The following CFHR5 variants were observed in gnomAD, a reference collection of about 807,000 sequenced individuals.
CFHR5 encodes the protein complement factor H related 5.
CFHR5 carries 73 observed loss-of-function variants against 62.9 expected under a neutral mutation model. The observed-to-expected ratio is 1.16, with a 90% confidence interval of 0.96 to 1.41. The LOEUF (loss-of-function observed/expected upper bound fraction) is 1.41. Ranked by LOEUF, CFHR5 falls within the 40% of genes most tolerant of loss-of-function variation. The pLI is 0.00. For missense variants in CFHR5, 779 were observed against 679.9 expected, an observed-to-expected ratio of 1.15 and a Z score of -1.62; for synonymous variants, 249 against 227.2, an observed-to-expected ratio of 1.10 and a Z score of -0.86.
chr1:196,998,386 T>A, intron 7 of CFHR5, 82 bp downstream of exon 7: 1 of 1,127,228 alleles, frequency 8.9e-7, no homozygotes, highest in Non-Finnish European at 1.3e-6. Flanking sequence ...GTTTTTAAAT[T>A]AAATATTTAT....
At chr1:196,996,529 T>C (rs1160447616) in intron 6 of CFHR5, among the ~76,000 whole-genome samples, 1 of 152,206 alleles carries the variant, frequency 6.6e-6, no homozygotes, top group Admixed American at 6.5e-5. Context: ...TTATTTTTGT[T>C]TCCAGTAACC....
rs141321678 is a variant in CFHR5, at chr1:197,008,514, T to G, written c.1541T>G (p.Met514Arg). Reference protein sequence around the residue: ...LDPCVVSEENMNKNNIQLKWR... With the variant: ...LDPCVVSEENRNKNNIQLKWR... ...CCATGTGTGGTATCTGAAGAAAACA[T>G]GAACAAAAATAACATACAGTTAAAA... Residue 514 changes from methionine to arginine, a missense_variant, in exon 10 of 10, where the codon ATG (methionine) becomes AGG (arginine). Coordinates refer to ENST00000256785, the MANE Select transcript of CFHR5 (RefSeq NM_030787.4). 1.0e-3 allele frequency: 1,620 copies of G among 1,609,772 alleles called. 2 individuals are homozygous for G. The highest frequency in any genetic ancestry group is 2.0e-3 in the South Asian group (177 of 90,096).
intron 7 of CFHR5, 46 bp downstream of exon 7, chr1:196,998,350 A>G: frequency 7.0e-7 from 1 of 1,437,002 alleles, no homozygotes; most frequent in African/African-American, 1.4e-5. Flanking sequence ...GCTTCTTTAC[A>G]AGAAAAATTA....
At chr1:196,977,284 C>G (rs542465511), upstream of CFHR5, among the ~76,000 whole-genome samples, 56 of 139,076 alleles carry the variant, frequency 4.0e-4, no homozygotes, top group African/African-American at 1.4e-3. Context: ...CAGCTGAACC[C>G]TTGGCTAGAA....
chr1:196,985,933 A>G (rs573894907), intron 3 of CFHR5, among the ~76,000 whole-genome samples: 18 of 152,316 alleles, frequency 1.2e-4, no homozygotes, highest in Non-Finnish European at 2.4e-4. Flanking sequence ...AATTTAGCAC[A>G]TTTTATTTAA....
At chr1:196,995,946 A>G in intron 5 of CFHR5, 47 bp downstream of exon 5, 1 of 1,592,154 alleles carries the variant, frequency 6.3e-7, no homozygotes, top group South Asian at 1.1e-5. Flanking sequence ...ATTACTTTGC[A>G]CTTATATATA....
intron 8 of CFHR5, among the ~76,000 whole-genome samples, chr1:197,002,876 C>T (rs1388721016): frequency 6.6e-6 from 1 of 152,168 alleles, no homozygotes; most frequent in Non-Finnish European, 1.5e-5. Flanking sequence ...GAAATTTCTA[C>T]ATCTTCTTAA....
intron 2 of CFHR5, among the ~76,000 whole-genome samples, 197 bp downstream of exon 2, chr1:196,983,276 C>T (rs7555407): frequency 0.013 from 2,045 of 152,202 alleles, 37 homozygotes; most frequent in African/African-American, 0.045. Flanking sequence ...TCTTGCATTA[C>T]CTGGAAATGC....
intron 6 of CFHR5, among the ~76,000 whole-genome samples, chr1:196,996,642 T>C (rs1653997573): frequency 6.6e-6 from 1 of 152,156 alleles, no homozygotes; most frequent in Non-Finnish European, 1.5e-5. Flanking sequence ...ACTTAGTCTT[T>C]ACCTCAGCAT....
Position 196,994,033 on chromosome 1 carries a change from G to A in CFHR5, c.431-47G>A, listed in dbSNP as rs750091338. On this transcript the variant is annotated intron_variant, in intron 3 of 9. Coordinates refer to ENST00000256785, the MANE Select transcript of CFHR5 (RefSeq NM_030787.4). ...TTTTTATATAGCACACATTAAATTT[G>A]TTTCTGCAATGAAAATTCACATATG... is the stretch of plus-strand genomic sequence containing the variant. 6.9e-6 allele frequency: 10 copies of A among 1,439,544 alleles called. No homozygotes were observed. The African/African-American group carries it at 1.3e-4, about 18-fold the overall frequency. 89.2% of individuals were successfully genotyped at this position (1,439,544 alleles called of 1,614,324 possible).
intron 3 of CFHR5, among the ~76,000 whole-genome samples, chr1:196,991,710 A>G (rs1193174756): frequency 2.0e-5 from 3 of 152,036 alleles, no homozygotes; most frequent in African/African-American, 7.2e-5. Context: ...GCAGAACAGC[A>G]AATATTGCAG....
At chr1:196,997,090 T>C (rs947105930) in intron 6 of CFHR5, among the ~76,000 whole-genome samples, 3 of 152,070 alleles carry the variant, frequency 2.0e-5, no homozygotes, top group Non-Finnish European at 4.4e-5. Flanking sequence ...CCGCCGCTGT[T>C]CTCCTCCTTA....
At chr1:196,995,042 G>A (rs148134196) in intron 4 of CFHR5, among the ~76,000 whole-genome samples, 2,050 of 152,166 alleles carry the variant, frequency 0.013, 43 homozygotes, top group African/African-American at 0.045. Context: ...GATGAGATTT[G>A]GGTGAGGACA....
intron 4 of CFHR5, among the ~76,000 whole-genome samples, chr1:196,995,411 A>G (rs1051752109): frequency 3.3e-5 from 5 of 152,144 alleles, no homozygotes; most frequent in African/African-American, 1.2e-4. Context: ...TTTACTTTCA[A>G]TTACTTCACA....
intron 3 of CFHR5, among the ~76,000 whole-genome samples, chr1:196,990,021 C>A (rs1482168614): frequency 6.6e-6 from 1 of 152,108 alleles, no homozygotes; most frequent in Admixed American, 6.5e-5. Flanking sequence ...CTTCGTAGGT[C>A]TCTAAGGACT....
rs1372346995 is a variant in CFHR5, at chr1:196,982,882, C to T, written c.59-3C>T. 6.2e-7 allele frequency: 1 copy of T among 1,612,680 alleles called. No individual in the cohort carries two copies. Among genetic ancestry groups the T allele is most frequent in the Non-Finnish European group, 8.5e-7 (1 of 1,179,028 alleles). ...TTCTTCAGTTTTGTGTTATTTTTCC[C>T]AGGAACACTTTGTGATTTTCCAAAA... On this transcript the variant is annotated splice_polypyrimidine_tract_variant and splice_region_variant and intron_variant, in intron 1 of 9. Transcript: ENST00000256785.
At chr1:196,995,991 A>G (rs758577067) in intron 5 of CFHR5, 31 bp from the exon 6 acceptor site, 2 of 1,608,200 alleles carry the variant, frequency 1.2e-6, no homozygotes, top group Non-Finnish European at 8.5e-7. Context: ...ATATTTTCAG[A>G]GTAAGCACTC....
intron 8 of CFHR5, among the ~76,000 whole-genome samples, chr1:197,003,648 GAGA>G (rs1199871992): frequency 1.3e-5 from 2 of 151,874 alleles, no homozygotes; most frequent in African/African-American, 4.9e-5. Context: ...ATTTTGCCTA[GAGA>G]TATTTCCATA....
rs1395869979 is a variant in CFHR5 at position 197,004,641 on chromosome 1, A to G, written c.1331-20A>G. ...GTTTAAACTAACATAATGTCTCAAC[A>G]AATAAATGCTGTTTTCCAGAGTCTA... On this transcript the variant is annotated intron_variant, in intron 8 of 9. Coordinates refer to ENST00000256785, the MANE Select transcript of CFHR5 (RefSeq NM_030787.4). 6.2e-7 allele frequency: 1 copy of G among 1,601,110 alleles called. No individual in the cohort carries two copies. The highest frequency in any genetic ancestry group is 1.1e-5 in the South Asian group (1 of 90,806).
Sources: allele counts gnomAD v4.1 joint callset (sites outside exome capture counted in the v4.1 genomes callset), GRCh38; gene constraint gnomAD v4.1.1; transcripts MANE v1.5; gene names NCBI Gene and HGNC (gene_info 2026-07-23, HGNC 2026-07-21).